Variants in SNX30 observed in about 807,000 individuals in gnomAD.
SNX30 encodes sorting nexin-30.
A neutral mutation model predicts 46.4 loss-of-function variants in SNX30; 24 were observed. The ratio of observed to expected loss-of-function variants is 0.52; its 90% CI spans 0.37 to 0.73. The LOEUF (loss-of-function observed/expected upper bound fraction) is 0.73. Among genes scored for constraint, SNX30 ranks in the 30% least tolerant of loss-of-function variants. The pLI is 0.00. For missense variants in SNX30, 533 were observed against 555.7 expected (o/e 0.96, Z 0.41); for synonymous variants, 189 against 211.5 (o/e 0.89, Z 0.92).
intron 2 of SNX30, among the ~76,000 whole-genome samples, chr9:112,805,561 T>C (rs4979156): frequency 0.88 from 133,429 of 152,202 alleles, 58,646 homozygotes; most frequent in Middle Eastern, 0.91. Context: ...TTCCACCTCC[T>C]GGGTTCAAGC....
At chr9:112,816,242 C>T (rs1310264325) in intron 2 of SNX30, among the ~76,000 whole-genome samples, 2 of 152,202 alleles carry the variant, frequency 1.3e-5, no homozygotes, top group African/African-American at 4.8e-5. Context: ...GCGCAGAGTC[C>T]TTCCTACTCC....
intron 6 of SNX30, among the ~76,000 whole-genome samples, chr9:112,841,121 C>G (rs1464692380): frequency 6.6e-6 from 1 of 152,196 alleles, no homozygotes; most frequent in Non-Finnish European, 1.5e-5. Context: ...GGATTTGTCT[C>G]TTATGTATAC....
chr9:112,874,145 TGAG>T lies in SNX30; in HGVS notation c.*5306_*5308del, dbSNP rs1478024703. ...TCACTTTTTTTCCTCCATGTGGAAATGAGGAGAGAGGAAAGTGGATTGCAAACC... is the reference window on the plus strand; with the variant it reads ...TCACTTTTTTTCCTCCATGTGGAAATGAGAGAGGAAAGTGGATTGCAAACC... On this transcript the variant is annotated 3_prime_UTR_variant, in exon 9 of 9. Coordinates refer to ENST00000374232, the MANE Select transcript of SNX30 (RefSeq NM_001012994.2). The T allele has an allele frequency of 2.6e-5, 4 of 152,264 alleles. No homozygotes were observed. The highest frequency in any genetic ancestry group is 4.4e-5 in the Non-Finnish European group (3 of 67,994). The allele number at this position is 152,264 out of a possible 1,614,324, so 9.4% of individuals were successfully genotyped here. A position where few individuals can be genotyped will look rare whatever the true frequency, so the allele number is the denominator to read the frequency against.
chr9:112,756,119 C>T (rs1217064396), intron 1 of SNX30, among the ~76,000 whole-genome samples: 3 of 152,040 alleles, frequency 2.0e-5, no homozygotes, highest in African/African-American at 4.8e-5. Context: ...TGTTCCTACC[C>T]CCAGATTAAG....
intron 3 of SNX30, among the ~76,000 whole-genome samples, chr9:112,827,715 C>G (rs1432612988): frequency 6.6e-6 from 1 of 152,122 alleles, no homozygotes; most frequent in Admixed American, 6.5e-5. Flanking sequence ...TTTAAAAAAT[C>G]CTCTTTATTG....
chr9:112,842,399 G>A (rs1432776174), intron 6 of SNX30, among the ~76,000 whole-genome samples: 1 of 152,238 alleles, frequency 6.6e-6, no homozygotes, highest in Non-Finnish European at 1.5e-5. Flanking sequence ...CTCATCATTT[G>A]GAAGTAGTGG....
intron 2 of SNX30, among the ~76,000 whole-genome samples, chr9:112,811,768 A>G (rs776270924): frequency 1.3e-4 from 20 of 152,252 alleles, no homozygotes; most frequent in Non-Finnish European, 2.2e-4. Flanking sequence ...GTGGAAGGAC[A>G]TAGAACAAAA....
chr9:112,879,494 T>G, downstream of SNX30: 1 of 432,768 alleles, frequency 2.3e-6, no homozygotes. Flanking sequence ...CCTGTAACCC[T>G]TAAGGTCATG....
intron 1 of SNX30, among the ~76,000 whole-genome samples, chr9:112,758,527 G>A (rs1197031666): frequency 1.3e-5 from 2 of 151,964 alleles, no homozygotes; most frequent in African/African-American, 2.4e-5. Context: ...ATGGGGTTTC[G>A]CCATGTTGGC....
intron 1 of SNX30, among the ~76,000 whole-genome samples, chr9:112,788,740 G>C (rs1457490474): frequency 6.6e-6 from 1 of 152,148 alleles, no homozygotes; most frequent in Non-Finnish European, 1.5e-5. Flanking sequence ...GTTTTCAGTT[G>C]GCAAGATCCT....
At chr9:112,876,734 C>T (rs1244874649), downstream of SNX30, among the ~76,000 whole-genome samples, 1 of 151,260 alleles carries the variant, frequency 6.6e-6, no homozygotes, top group Non-Finnish European at 1.5e-5. Context: ...GCCAGGAGTT[C>T]GAGACCGGCC....
chr9:112,826,705 T>C (rs1840584183), intron 3 of SNX30, among the ~76,000 whole-genome samples: 1 of 152,196 alleles, frequency 6.6e-6, no homozygotes, highest in South Asian at 2.1e-4. Flanking sequence ...GAAATTTCCA[T>C]CTGATGCTCT....
At chr9:112,865,003 A>C (rs890831213) in intron 8 of SNX30, among the ~76,000 whole-genome samples, 2 of 85,438 alleles carry the variant, frequency 2.3e-5, no homozygotes, top group Non-Finnish European at 4.7e-5. Flanking sequence ...ACACACACAC[A>C]CCCACACACC....
chr9:112,807,041 T>G (rs1026412170), intron 2 of SNX30, among the ~76,000 whole-genome samples: 1 of 147,422 alleles, frequency 6.8e-6, no homozygotes, highest in African/African-American at 2.5e-5. Flanking sequence ...ACTCTGTCTT[T>G]TCTTTTCTAT....
intron 3 of SNX30, among the ~76,000 whole-genome samples, chr9:112,820,625 A>G (rs1335234020): frequency 6.6e-6 from 1 of 152,146 alleles, no homozygotes; most frequent in Non-Finnish European, 1.5e-5. Flanking sequence ...AACCATCAGC[A>G]TTATCCATTT....
intron 2 of SNX30, among the ~76,000 whole-genome samples, chr9:112,807,035 T>G (rs1201032451): frequency 6.7e-6 from 1 of 148,946 alleles, no homozygotes; most frequent in Non-Finnish European, 1.5e-5. Flanking sequence ...GTTACTACTC[T>G]GTCTTTTCTT....
chr9:112,867,452 C>G (rs770823005), intron 8 of SNX30, among the ~76,000 whole-genome samples: 120 of 147,080 alleles, frequency 8.2e-4, no homozygotes, highest in Non-Finnish European at 1.3e-3. Flanking sequence ...AACTCCTCCT[C>G]CATCCTCAGA....
chr9:112,784,176 C>T (rs1319675529), intron 1 of SNX30, among the ~76,000 whole-genome samples: 1 of 152,174 alleles, frequency 6.6e-6, no homozygotes, highest in Admixed American at 6.5e-5. Flanking sequence ...CAACACCTCT[C>T]ATCTGCCCTT....
At chr9:112,850,810 C>T (rs1564291122) in intron 6 of SNX30, 49 bp from the exon 7 acceptor site, 7 of 1,426,560 alleles carry the variant, frequency 4.9e-6, no homozygotes, top group Non-Finnish European at 6.9e-6. Context: ...GGGTGGGAGG[C>T]CCCTTTGTGG....
Sources: allele counts gnomAD v4.1 joint callset (sites outside exome capture counted in the v4.1 genomes callset), GRCh38; gene constraint gnomAD v4.1.1; transcripts MANE v1.5; gene names NCBI Gene and HGNC (gene_info 2026-07-23, HGNC 2026-07-21).